Variants in TNKS2 observed in about 807,000 individuals in gnomAD.
TNKS2 encodes tankyrase 2.
TNKS2 carries 72 observed loss-of-function variants against 137.6 expected under a neutral mutation model. The observed-to-expected ratio is 0.52, with a 90% confidence interval of 0.43 to 0.64. The LOEUF (loss-of-function observed/expected upper bound fraction) is 0.64, where lower values mean the gene tolerates loss of function less well. TNKS2 is among the 30% of genes least tolerant of loss of function. The probability of loss-of-function intolerance (pLI) is 0.00; values close to 1 mark genes in which losing one functional copy is unlikely to be tolerated. For synonymous variants in TNKS2, 516 were observed against 512.1 expected (o/e 1.01, Z -0.10); for missense variants, 1,049 against 1,410.2 (o/e 0.74, Z 4.10).
At chr10:91,799,184 G>A (rs1844074581) in intron 1 of TNKS2, among the ~76,000 whole-genome samples, 1 of 152,116 alleles carries the variant, frequency 6.6e-6, no homozygotes, top group Non-Finnish European at 1.5e-5. Flanking sequence ...CCAACTTCCG[G>A]TCTTGTTACC....
Position 91,819,977 on chromosome 10 carries a change from A to G in TNKS2, c.672A>G (p.Val224=). The change falls in exon 6 of 27, where the codon GTA becomes GTG. Residue 224 remains valine, a synonymous_variant. Transcript: ENST00000371627. ...PLHLAAGYNR[V]KIVQLLLQHG... ...ATTTGGCAGCAGGATATAACAGAGT[A>G]AAGATTGTACAGCTGTTACTGCAAC... 1 of 1,593,960 alleles carries G rather than the reference A, an allele frequency of 6.3e-7. No individual in the cohort carries two copies. Among genetic ancestry groups the G allele is most frequent in the Non-Finnish European group, 8.5e-7 (1 of 1,170,656 alleles).
At chr10:91,826,557 TATATCTA>T (rs1236259941) in intron 7 of TNKS2, among the ~76,000 whole-genome samples, 2 of 152,310 alleles carry the variant, frequency 1.3e-5, no homozygotes, top group African/African-American at 4.8e-5. Flanking sequence ...GAAGAACAGA[TATATCTA>T]ATATGTGGCC....
intron 6 of TNKS2, among the ~76,000 whole-genome samples, chr10:91,820,449 G>C (rs80120884): frequency 0.1 from 15,800 of 152,222 alleles, 902 homozygotes; most frequent in East Asian, 0.19. Context: ...TAGTCTGTAA[G>C]ACAATTGGGA....
intron 12 of TNKS2, 126 bp from the exon 13 acceptor site, chr10:91,836,793 G>T: frequency 1.4e-6 from 2 of 1,410,000 alleles, no homozygotes; most frequent in Admixed American, 3.0e-5. Context: ...TACTACCATG[G>T]AGATCTCGTA....
At chr10:91,815,678 C>T (rs1042140493) in intron 2 of TNKS2, among the ~76,000 whole-genome samples, 1 of 151,856 alleles carries the variant, frequency 6.6e-6, no homozygotes, top group Admixed American at 6.6e-5. Context: ...GAAATCTGTT[C>T]AAATTAATTT....
intron 13 of TNKS2, among the ~76,000 whole-genome samples, chr10:91,837,452 A>G (rs1223441531): frequency 6.6e-6 from 1 of 152,218 alleles, no homozygotes; most frequent in East Asian, 1.9e-4. Flanking sequence ...AATAAATACA[A>G]TGTTGCCACT....
intron 11 of TNKS2, among the ~76,000 whole-genome samples, chr10:91,832,453 A>G (rs1351122189): frequency 7.0e-6 from 1 of 142,512 alleles, no homozygotes; most frequent in Non-Finnish European, 1.5e-5. Flanking sequence ...TAATCCTAAC[A>G]CAAAGTGGTA....
Position 91,842,243 on chromosome 10 carries a change from A to G in TNKS2, c.1911A>G (p.Thr637=), listed in dbSNP as rs773080128. The G allele has an allele frequency of 3.1e-6, 5 of 1,613,978 alleles. No homozygotes were observed. In the African/African-American group the frequency reaches 4.0e-5, roughly 13 times the overall value. The change falls in exon 16 of 27, where the codon ACA becomes ACG. Residue 637 remains threonine (T), a synonymous_variant. Transcript: ENST00000371627. ...TPLDLVKDGD[T]DIQDLLRGDA... is the part of the protein sequence containing the mutation. ...TGGATCTTGTTAAAGATGGAGATAC[A>G]GATATTCAAGATCTGCTTAGGGGAG...
At chr10:91,850,127 A>G (rs1842497029) in intron 20 of TNKS2, among the ~76,000 whole-genome samples, 1 of 152,160 alleles carries the variant, frequency 6.6e-6, no homozygotes, top group Non-Finnish European at 1.5e-5. Flanking sequence ...GCACTTTGGG[A>G]GGCCGAGGTG....
Position 91,833,927 on chromosome 10 carries a change from C to T in TNKS2, c.1350C>T (p.Arg450=), listed in dbSNP as rs769311788. ...ATTGTGGTCATCTACAAACCTGCCGCCTACTCCTGAGCTATGGGTGTGATC... is the reference window on the plus strand; with the variant it reads ...ATTGTGGTCATCTACAAACCTGCCGTCTACTCCTGAGCTATGGGTGTGATC... ...AAYCGHLQTC[R]LLLSYGCDPN... is the part of the protein sequence containing the mutation. The change falls in exon 12 of 27, where the codon CGC becomes CGT. Residue 450 remains arginine, a synonymous_variant. Transcript: ENST00000371627. 6.2e-7 allele frequency: 1 copy of T among 1,613,830 alleles called. No homozygotes were observed. Among genetic ancestry groups the T allele is most frequent in the East Asian group, 2.2e-5 (1 of 44,874 alleles).
At chr10:91,852,176 G>C (rs1482375073) in intron 21 of TNKS2, among the ~76,000 whole-genome samples, 1 of 146,450 alleles carries the variant, frequency 6.8e-6, no homozygotes, top group Non-Finnish European at 1.5e-5. Context: ...TGCAGTGAGT[G>C]GAGATCACAC....
At chr10:91,819,849 T>G in intron 5 of TNKS2, 90 bp from the exon 6 acceptor site, 3 of 1,067,504 alleles carry the variant, frequency 2.8e-6, no homozygotes, top group Non-Finnish European at 4.0e-6. Context: ...ATAATTGGAT[T>G]TTCTGGTTTT....
intron 10 of TNKS2, 35 bp downstream of exon 10, chr10:91,831,049 A>ATTTTAC (rs747054092): frequency 3.7e-6 from 6 of 1,611,560 alleles, no homozygotes; most frequent in Non-Finnish European, 5.1e-6. Context: ...TATCATTGAG[A>ATTTTAC]TTTTACTCTT....
chr10:91,798,907 C>T lies in TNKS2; in HGVS notation c.199+18C>T. 7.3e-7 allele frequency: 1 copy of T among 1,376,016 alleles called. No individual in the cohort carries two copies. The highest frequency in any genetic ancestry group is 9.5e-7 in the Non-Finnish European group (1 of 1,056,086). 85.2% of individuals were successfully genotyped at this position (1,376,016 alleles called of 1,614,324 possible). On this transcript the variant is annotated intron_variant, in intron 1 of 26. Coordinates refer to ENST00000371627, the MANE Select transcript of TNKS2 (RefSeq NM_025235.4). ...CGCCGCAGGTAACCGGGGCCAGCGT[C>T]CCCTCGCCTCGCTCCAGACCCCACC...
In TNKS2 at chr10:91,828,398, A is replaced by T. The variant is rs757637788; in HGVS notation, c.1096A>T (p.Thr366Ser). Residue 366 changes from threonine (T) to serine (S), a missense_variant, in exon 9 of 27, where the codon ACA (threonine) becomes TCA (serine). Coordinates refer to ENST00000371627, the MANE Select transcript of TNKS2 (RefSeq NM_025235.4). ...TTTCAAGCATCCTCAAACACATGAA[A>T]CAGCATTGGTAATGTTTCAGATTTA... ...VNFKHPQTHE[T>S]ALHCAAASPY... is the part of the protein sequence containing the mutation. 4.4e-6 allele frequency: 7 copies of T among 1,586,170 alleles called. No homozygotes were observed. The highest frequency in any genetic ancestry group is 3.4e-6 in the Non-Finnish European group (4 of 1,169,346).
chr10:91,825,706 T>G (rs960115949), intron 7 of TNKS2, among the ~76,000 whole-genome samples: 9 of 152,242 alleles, frequency 5.9e-5, no homozygotes, highest in Non-Finnish European at 1.3e-4. Context: ...AGGAAATTTG[T>G]GTTTGATTGG....
chr10:91,813,137 T>A lies in TNKS2; in HGVS notation c.354T>A (p.Asn118Lys), dbSNP rs189629328. 2.1e-4 allele frequency: 333 copies of A among 1,614,060 alleles called. No individual in the cohort carries two copies. The highest frequency in any genetic ancestry group is 2.7e-4 in the Non-Finnish European group (318 of 1,180,040). Residue 118 changes from asparagine to lysine, a missense_variant, in exon 2 of 27, where the codon AAT becomes AAA. Asn to Lys is a moderately conservative substitution (Grantham distance 94). Around this residue, in one of 6 missense-constraint regions of TNKS2, gnomAD observed 374 missense variants for 460.8 expected, o/e 0.81. Transcript: ENST00000371627. ...TTTTGCGACATGGTGCAGACCCCAATGCTCGAGATAATTGGAATTATACTC... is the reference window on the plus strand; with the variant it reads ...TTTTGCGACATGGTGCAGACCCCAAAGCTCGAGATAATTGGAATTATACTC... Reference protein sequence around the residue: ...NLLLRHGADPNARDNWNYTPL... With the variant: ...NLLLRHGADPKARDNWNYTPL...
At chr10:91,855,508 T>C in intron 22 of TNKS2, 106 bp from the exon 23 acceptor site, 1 of 919,966 alleles carries the variant, frequency 1.1e-6, no homozygotes, top group South Asian at 1.8e-5. Context: ...TAAAACCTGT[T>C]TTGTATTCTC....
At chr10:91,805,747 A>G (rs924748566) in intron 1 of TNKS2, among the ~76,000 whole-genome samples, 10 of 152,196 alleles carry the variant, frequency 6.6e-5, no homozygotes, top group African/African-American at 1.9e-4. Flanking sequence ...GGGTACATCA[A>G]ATAACTTTAT....
Sources: allele counts gnomAD v4.1 joint callset (sites outside exome capture counted in the v4.1 genomes callset), GRCh38; gene constraint gnomAD v4.1.1; regional missense constraint gnomAD v4.1.1; transcripts MANE v1.5; gene names NCBI Gene and HGNC (gene_info 2026-07-23, HGNC 2026-07-21).